Variants in SLC8A1 observed in about 807,000 individuals in gnomAD.
The protein encoded by SLC8A1 is solute carrier family 8 member A1.
In SLC8A1, 18 loss-of-function variants were observed where a neutral mutation model predicts 68.3. The observed-to-expected ratio is 0.26, with a 90% CI of 0.18 to 0.39. The LOEUF (loss-of-function observed/expected upper bound fraction) is 0.39, where lower values mean the gene tolerates loss of function less well. Ranked by LOEUF, SLC8A1 falls within the 10% of genes least tolerant of loss-of-function variation. The pLI, the probability that SLC8A1 is intolerant of heterozygous loss-of-function variation, is 1.00. For synonymous variants in SLC8A1, 475 were observed against 415.5 expected (o/e 1.14, Z -1.74); for missense variants, 985 against 1,156.7 (o/e 0.85, Z 2.15).
chr2:40,464,966 C>T (rs1703572413), intron 1 of SLC8A1, among the ~76,000 whole-genome samples: 2 of 152,140 alleles, frequency 1.3e-5, no homozygotes. Flanking sequence ...AAGAGGTGTT[C>T]TCTCCTTACT....
At chr2:40,198,469 T>C (rs918260097) in intron 2 of SLC8A1, among the ~76,000 whole-genome samples, 7 of 151,964 alleles carry the variant, frequency 4.6e-5, no homozygotes, top group Admixed American at 1.3e-4. Flanking sequence ...TTAATTCATA[T>C]CACTTCTATA....
At chr2:40,509,618 A>G (rs1706583270) in intron 1 of SLC8A1, among the ~76,000 whole-genome samples, 1 of 151,862 alleles carries the variant, frequency 6.6e-6, no homozygotes, top group Non-Finnish European at 1.5e-5. Context: ...AATCCTCTAA[A>G]AAGTGCTTCC....
At chr2:40,367,172 G>A (rs1025637133) in intron 2 of SLC8A1, among the ~76,000 whole-genome samples, 7 of 151,972 alleles carry the variant, frequency 4.6e-5, no homozygotes, top group Admixed American at 6.6e-5. Flanking sequence ...CTGTCACTTT[G>A]CAAAGGATTC....
rs1236450975 is a variant in SLC8A1 at position 40,122,206 on chromosome 2, G to GCA, written c.2438-6579_2438-6578dup. Among the ~76,000 whole-genome samples the GCA allele has an allele frequency of 7.3e-3, 913 of 124,564 alleles. 6 individuals carry two copies. The highest frequency in any genetic ancestry group is 0.013 in the Non-Finnish European group (654 of 52,050). The allele number at this position is 124,564 out of a possible 152,430, so 81.7% of individuals were successfully genotyped here. Reference sequence around the variant, plus strand: ...CTCTCTCACAAGTGCATGCGCGCGCGCACACACACACACACACACGTGTGC... The same window carrying GCA: ...CTCTCTCACAAGTGCATGCGCGCGCGCACACACACACACACACACACGTGTGC... On this transcript the variant is annotated intron_variant, in intron 7 of 7. Transcript: ENST00000406785.
chr2:40,215,643 C>CAAAAAAA (rs56191722), intron 2 of SLC8A1, among the ~76,000 whole-genome samples: 1 of 69,926 alleles, frequency 1.4e-5, no homozygotes, highest in African/African-American at 5.7e-5. Context: ...GACTCCGTCT[C>CAAAAAAA]AAAAAAAAAA....
At chr2:40,426,529 C>T (rs747217734) in intron 2 of SLC8A1, among the ~76,000 whole-genome samples, 4 of 151,966 alleles carry the variant, frequency 2.6e-5, no homozygotes, top group Non-Finnish European at 4.4e-5. Flanking sequence ...TCTTCTGCAT[C>T]GTACCACCCA....
At chr2:40,413,588 C>T (rs115586652) in intron 2 of SLC8A1, among the ~76,000 whole-genome samples, 2,620 of 152,246 alleles carry the variant, frequency 0.017, 22 homozygotes, top group African/African-American at 0.028. Context: ...ACATCCTATA[C>T]TTGTTTTCCC....
intron 1 of SLC8A1, among the ~76,000 whole-genome samples, chr2:40,459,577 A>G (rs1188618465): frequency 6.6e-6 from 1 of 152,224 alleles, no homozygotes; most frequent in African/African-American, 2.4e-5. Context: ...GGTTGCACAT[A>G]AAAATAACCA....
At chr2:40,361,169 C>G (rs187644001) in intron 2 of SLC8A1, among the ~76,000 whole-genome samples, 67 of 152,222 alleles carry the variant, frequency 4.4e-4, no homozygotes, top group Admixed American at 1.1e-3. Context: ...TCAAGAGACC[C>G]TTGTTCATGA....
At chr2:40,183,527 C>G (rs1009892554) in intron 2 of SLC8A1, among the ~76,000 whole-genome samples, 6 of 152,292 alleles carry the variant, frequency 3.9e-5, no homozygotes, top group Admixed American at 3.9e-4. Context: ...ATAGTTTTAA[C>G]CAGCTGTCTC....
At chr2:40,496,487 G>T (rs1028496669) in intron 1 of SLC8A1, among the ~76,000 whole-genome samples, 7 of 152,162 alleles carry the variant, frequency 4.6e-5, no homozygotes, top group African/African-American at 1.4e-4. Flanking sequence ...TGTGGATTTT[G>T]CCCTTGATAA....
chr2:40,160,195 C>T (rs529521757), intron 6 of SLC8A1, among the ~76,000 whole-genome samples: 3 of 152,266 alleles, frequency 2.0e-5, no homozygotes, highest in South Asian at 2.1e-4. Context: ...TTTCTGACTC[C>T]GTGAGTTTGA....
At chr2:40,507,443 C>A (rs1706443430) in intron 1 of SLC8A1, among the ~76,000 whole-genome samples, 1 of 151,978 alleles carries the variant, frequency 6.6e-6, no homozygotes, top group Non-Finnish European at 1.5e-5. Flanking sequence ...TTGGTATTCA[C>A]AAAAACTTTT....
intron 2 of SLC8A1, among the ~76,000 whole-genome samples, chr2:40,261,108 A>T (rs551543820): frequency 6.6e-6 from 1 of 152,278 alleles, no homozygotes; most frequent in East Asian, 1.9e-4. Context: ...GTTGTGAAAA[A>T]TCCTGACTAT....
intron 6 of SLC8A1, among the ~76,000 whole-genome samples, chr2:40,150,301 A>T (rs2043183128): frequency 6.6e-6 from 1 of 152,230 alleles, no homozygotes; most frequent in Non-Finnish European, 1.5e-5. Flanking sequence ...GGCTGTGAAC[A>T]GCAAGAAGTA....
At chr2:40,387,123 G>A (rs952017175) in intron 2 of SLC8A1, among the ~76,000 whole-genome samples, 1 of 151,428 alleles carries the variant, frequency 6.6e-6, no homozygotes. Context: ...ACCTCACAGA[G>A]CATTGGACCT....
chr2:40,399,363 A>C (rs1036852554), intron 2 of SLC8A1, among the ~76,000 whole-genome samples: 21 of 152,102 alleles, frequency 1.4e-4, no homozygotes, highest in African/African-American at 5.1e-4. Context: ...CACTAGGATC[A>C]GAGAAGTTTG....
chr2:40,344,443 AG>A (rs1668641580), intron 2 of SLC8A1, among the ~76,000 whole-genome samples: 1 of 152,198 alleles, frequency 6.6e-6, no homozygotes. Context: ...ACAAAAAGAA[AG>A]GGACAAGAAA....
At chr2:40,462,427 T>C (rs1703403606) in intron 1 of SLC8A1, among the ~76,000 whole-genome samples, 1 of 152,070 alleles carries the variant, frequency 6.6e-6, no homozygotes, top group Non-Finnish European at 1.5e-5. Context: ...TGAATCCTAG[T>C]GTTAGAAAAA....
Sources: allele counts gnomAD v4.1 joint callset (sites outside exome capture counted in the v4.1 genomes callset), GRCh38; gene constraint gnomAD v4.1.1; transcripts MANE v1.5; gene names NCBI Gene and HGNC (gene_info 2026-07-23, HGNC 2026-07-21).